CYP4F22: variants seen among roughly 807,000 people sequenced by gnomAD.
The protein encoded by CYP4F22 is cytochrome P450 family 4 subfamily F member 22.
Under a neutral mutation model 60.4 loss-of-function variants are expected in CYP4F22, and 37 were observed. The observed-to-expected ratio is 0.61, with a 90% confidence interval of 0.47 to 0.81. The LOEUF (loss-of-function observed/expected upper bound fraction) is 0.81. CYP4F22 is among the 30% of genes least tolerant of loss of function. The probability of loss-of-function intolerance (pLI) is 0.00; values close to 1 mark genes in which losing one functional copy is unlikely to be tolerated. For synonymous variants in CYP4F22, 258 were observed against 280.5 expected, an observed-to-expected ratio of 0.92 and a Z score of 0.80; for missense variants, 655 against 715.0, an observed-to-expected ratio of 0.92 and a Z score of 0.96.
Position 15,551,482 on chromosome 19 carries a change from G to C in CYP4F22, c.*11G>C. ...CCTCCGCGGGCCTGAGCGTGGGCGC[G>C]CCCCTGCGGCTCCCGAGGGTCCAGG... On this transcript the variant is annotated 3_prime_UTR_variant, in exon 14 of 14. Coordinates refer to ENST00000269703, the MANE Select transcript of CYP4F22 (RefSeq NM_173483.4). 1 of 1,550,192 alleles carries C rather than the reference G, an allele frequency of 6.5e-7. No homozygotes were observed. Among genetic ancestry groups the C allele is most frequent in the African/African-American group, 1.4e-5 (1 of 73,112 alleles).
chr19:15,545,985 T>C (rs538833813), intron 10 of CYP4F22, among the ~76,000 whole-genome samples: 4 of 152,224 alleles, frequency 2.6e-5, no homozygotes, highest in Admixed American at 2.0e-4. Flanking sequence ...TTGCCCTTTA[T>C]AGCAACATGA....
chr19:15,519,034 G>T (rs1971189958), intron 1 of CYP4F22, among the ~76,000 whole-genome samples: 1 of 152,086 alleles, frequency 6.6e-6, no homozygotes, highest in Admixed American at 6.6e-5. Flanking sequence ...AGGTGAATCT[G>T]AGAGTCTAGG....
chr19:15,520,623 T>C (rs1395327896), intron 1 of CYP4F22, among the ~76,000 whole-genome samples: 1 of 152,084 alleles, frequency 6.6e-6, no homozygotes, highest in Non-Finnish European at 1.5e-5. Context: ...AATCTCGCTC[T>C]GTCACCCAGG....
intron 7 of CYP4F22, among the ~76,000 whole-genome samples, 176 bp downstream of exon 7, chr19:15,538,169 C>G (rs759990036): frequency 2.0e-5 from 3 of 151,072 alleles, no homozygotes; most frequent in Non-Finnish European, 4.4e-5. Context: ...TTTTTTTAAT[C>G]AAAAAAATGG....
chr19:15,529,609 T>C (rs564427032), intron 3 of CYP4F22, 100 bp from the exon 4 acceptor site: 2 of 1,516,166 alleles, frequency 1.3e-6, no homozygotes, highest in East Asian at 4.7e-5. Flanking sequence ...AATGTAGCAC[T>C]ATTGGGCTTG....
At chr19:15,520,209 G>A (rs1568354722) in intron 1 of CYP4F22, among the ~76,000 whole-genome samples, 1 of 151,832 alleles carries the variant, frequency 6.6e-6, no homozygotes, top group Non-Finnish European at 1.5e-5. Context: ...AGCTGGGCGT[G>A]GTGGTGGGCG....
At chr19:15,540,937 T>C (rs1430104753) in intron 8 of CYP4F22, among the ~76,000 whole-genome samples, 1 of 152,004 alleles carries the variant, frequency 6.6e-6, no homozygotes, top group Non-Finnish European at 1.5e-5. Flanking sequence ...ACAAATAAGT[T>C]GGGTGTGGTG....
chr19:15,525,631 C>A (rs1010042946), intron 3 of CYP4F22, 73 bp downstream of exon 3: 26 of 1,426,226 alleles, frequency 1.8e-5, no homozygotes, highest in Non-Finnish European at 2.4e-5. Flanking sequence ...GATGGTGGGC[C>A]TGCTGGCTTC....
chr19:15,521,919 T>C (rs1411797786), intron 1 of CYP4F22, among the ~76,000 whole-genome samples: 2 of 151,316 alleles, frequency 1.3e-5, no homozygotes, highest in Non-Finnish European at 3.0e-5. Flanking sequence ...TGGAGGTGGG[T>C]GGATGGCCTG....
chr19:15,518,710 C>T (rs1036501977), intron 1 of CYP4F22, among the ~76,000 whole-genome samples: 29 of 143,260 alleles, frequency 2.0e-4, no homozygotes, highest in African/African-American at 5.7e-4. Flanking sequence ...AAAGAAAAAC[C>T]GTGAAAACAA....
intron 1 of CYP4F22, among the ~76,000 whole-genome samples, chr19:15,509,922 C>CTTCCTTCTTTCTTTCTTTCT (rs1555725990): frequency 3.8e-4 from 44 of 115,576 alleles, no homozygotes; most frequent in Admixed American, 3.7e-4. Context: ...TCTTTCCTTC[C>CTTCCTTCTTTCTTTCTTTCT]TTCTTTCTTT....
chr19:15,540,643 CA>C lies in CYP4F22; in HGVS notation c.866del (p.Gln289ArgfsTer81). 6.2e-7 allele frequency: 1 copy of C among 1,613,952 alleles called. No homozygotes were observed. Among genetic ancestry groups the C allele is most frequent in the Non-Finnish European group, 8.5e-7 (1 of 1,179,996 alleles). ...IQERRRALRQ[Q>X]GAEAWLKAKQ... The stretch of plus-strand genomic sequence containing the variant: ...GGAACGGCGGCGGGCACTGCGTCAG[CA>C]GGGGGCCGAGGCCTGGCTTAAGGCC... On this transcript the variant is annotated frameshift_variant, in exon 8 of 14. Transcript: ENST00000269703. LOFTEE classifies it high-confidence loss of function.
intron 1 of CYP4F22, chr19:15,515,346 C>G (rs986514907): frequency 8.3e-7 from 1 of 1,202,740 alleles, no homozygotes; most frequent in Non-Finnish European, 1.2e-6. Context: ...AGGTTCAGCA[C>G]CTCCCACACA....
In CYP4F22 at chr19:15,551,496, C is replaced by A. The variant is rs1383724593; in HGVS notation, c.*25C>A. ...AGCGTGGGCGCGCCCCTGCGGCTCC[C>A]GAGGGTCCAGGCCCCGCCCCCAAAG... On this transcript the variant is annotated 3_prime_UTR_variant, in exon 14 of 14. Coordinates refer to ENST00000269703, the MANE Select transcript of CYP4F22 (RefSeq NM_173483.4). 1 of 1,546,202 alleles carries A rather than the reference C, an allele frequency of 6.5e-7. No individual in the cohort carries two copies. The highest frequency in any genetic ancestry group is 1.4e-5 in the African/African-American group (1 of 73,046).
At chr19:15,515,792 C>T (rs535662917) in intron 1 of CYP4F22, among the ~76,000 whole-genome samples, 44 of 151,980 alleles carry the variant, frequency 2.9e-4, no homozygotes, top group South Asian at 1.7e-3. Flanking sequence ...GGCGCGATCT[C>T]GGCTCACTGC....
At chr19:15,543,037 T>C (rs185565142) in intron 8 of CYP4F22, among the ~76,000 whole-genome samples, 57 of 152,338 alleles carry the variant, frequency 3.7e-4, no homozygotes, top group Admixed American at 1.7e-3. Context: ...ATCTTTATAA[T>C]AGAATAATTT....
intron 1 of CYP4F22, among the ~76,000 whole-genome samples, chr19:15,515,875 C>T (rs140755850): frequency 0.041 from 6,179 of 151,926 alleles, 143 homozygotes; most frequent in Non-Finnish European, 0.055. Flanking sequence ...AGGCGCCCGC[C>T]ACCACGTCCG....
chr19:15,539,916 A>C (rs1019156343), intron 7 of CYP4F22, among the ~76,000 whole-genome samples: 2 of 152,256 alleles, frequency 1.3e-5, no homozygotes, highest in Non-Finnish European at 2.9e-5. Context: ...TCACATTCTC[A>C]TTGGAAATTT....
At chr19:15,525,206 T>G in intron 2 of CYP4F22, 130 bp from the exon 3 acceptor site, 1 of 850,382 alleles carries the variant, frequency 1.2e-6, no homozygotes, top group Non-Finnish European at 1.9e-6. Flanking sequence ...GGCTGGGGGA[T>G]GAAGAGGTAT....
Sources: gnomAD v4.1 joint callset for allele counts (sites outside exome capture counted in the v4.1 genomes callset) on GRCh38, gnomAD v4.1.1 for gene constraint, MANE v1.5 for transcripts, NCBI Gene and HGNC (gene_info 2026-07-23, HGNC 2026-07-21) for gene names.